RYR3: variants seen among roughly 807,000 people sequenced by gnomAD.
The protein encoded by RYR3 is ryanodine receptor 3, also known as brain ryanodine receptor-calcium release channel.
A neutral mutation model predicts 584.3 loss-of-function variants in RYR3; 207 were observed. The ratio of observed to expected loss-of-function variants is 0.35; its 90% CI spans 0.32 to 0.40. RYR3 has a LOEUF of 0.40. Ranked by LOEUF, RYR3 falls within the 10% of genes least tolerant of loss-of-function variation. RYR3 has a pLI of 1.00. For synonymous variants in RYR3, 2,416 were observed against 2,248.5 expected (o/e 1.07, Z -2.11); for missense variants, 5,616 against 6,089.2 (o/e 0.92, Z 2.59).
At chr15:33,634,464 G>A (rs935989472) in intron 24 of RYR3, 122 bp from the exon 25 acceptor site, 2 of 830,484 alleles carry the variant, frequency 2.4e-6, no homozygotes, top group African/African-American at 3.4e-5. Flanking sequence ...GGCACTGAGG[G>A]AAGGGCTAAT....
At chr15:33,768,546 A>C (rs2073298972) in intron 60 of RYR3, 112 bp from the exon 61 acceptor site, 1 of 904,674 alleles carries the variant, frequency 1.1e-6, no homozygotes, top group Admixed American at 1.7e-5. Flanking sequence ...TCTCCCTAGA[A>C]TGCCACTCTG....
intron 59 of RYR3, 131 bp downstream of exon 59, chr15:33,756,504 G>C (rs2071847178): frequency 1.4e-6 from 1 of 724,278 alleles, no homozygotes; most frequent in Admixed American, 2.5e-5. Flanking sequence ...ATATTTCTCT[G>C]TCGTGTAACA....
In RYR3 at chr15:33,857,906, A is replaced by C. The variant is rs1000224467; in HGVS notation, c.14134A>C (p.Met4712Leu). ...DDEPDMKCDD[M>L]MTCYLFHMYV... ...CGAGCCCGATATGAAGTGCGACGAC[A>C]TGATGACGGTGAGAGCCCACCCACT... The change falls in exon 99 of 104, where the codon ATG becomes CTG. Residue 4712 changes from methionine to leucine, a missense_variant. This residue lies in a region of RYR3 where 918 missense variants were observed against 887.4 expected (regional missense o/e 1.03). Coordinates refer to ENST00000634891, the MANE Select transcript of RYR3 (RefSeq NM_001036.6). 2.5e-6 allele frequency: 4 copies of C among 1,613,886 alleles called. No individual in the cohort carries two copies. Among genetic ancestry groups the C allele is most frequent in the Non-Finnish European group, 3.4e-6 (4 of 1,180,010 alleles).
At chr15:33,461,415 G>C (rs939028278) in intron 1 of RYR3, among the ~76,000 whole-genome samples, 14 of 152,108 alleles carry the variant, frequency 9.2e-5, no homozygotes, top group Admixed American at 9.2e-4. Flanking sequence ...ATAGTGTCTG[G>C]TTTTGATTCT....
Position 33,836,937 on chromosome 15 carries a change from T to A in RYR3, c.11600T>A (p.Leu3867His). ...DSSQIELLKE[L>H]LDLLQDMVVM... ...AGTCAGATCGAGCTGCTGAAGGAAC[T>A]CTTGGATCTCCTTCAGGACATGGTG... The change falls in exon 88 of 104, where the codon CTC becomes CAC. Residue 3867 changes from leucine (L) to histidine (H), a missense_variant. Transcript: ENST00000634891. The A allele has an allele frequency of 6.2e-7, 1 of 1,613,744 alleles. No homozygotes were observed. The highest frequency in any genetic ancestry group is 8.5e-7 in the Non-Finnish European group (1 of 1,179,848).
chr15:33,633,154 A>G (rs756651425), intron 24 of RYR3, 46 bp downstream of exon 24: 57 of 1,597,452 alleles, frequency 3.6e-5, no homozygotes, highest in Non-Finnish European at 4.4e-5. Context: ...AGAAGATATG[A>G]TCATCCACGT....
At position 33,687,520 on chromosome 15, in the gene RYR3, A is replaced by C. The variant is rs571965638; in HGVS notation, c.5861-8698A>C. Among the ~76,000 whole-genome samples the C allele has an allele frequency of 3.9e-5, 6 of 152,342 alleles. No individual in the cohort carries two copies. In the East Asian group the frequency reaches 9.6e-4, roughly 24 times the overall value. On this transcript the variant is annotated intron_variant, in intron 38 of 103. Coordinates refer to ENST00000634891, the MANE Select transcript of RYR3 (RefSeq NM_001036.6). ...AATTTGTAGATTCGATGCCATCCCC[A>C]TCAAGCTACCAATGACTTTCTTCAC...
At chr15:33,368,737 T>C (rs75286041) in intron 1 of RYR3, among the ~76,000 whole-genome samples, 11,960 of 152,152 alleles carry the variant, frequency 0.079, 502 homozygotes, top group Non-Finnish European at 0.099. Flanking sequence ...CCTGCAGTCT[T>C]GGCAGCGTTC....
rs1180776345 is a variant in RYR3 at position 33,572,654 on chromosome 15, T to TACACACACAC, written c.1268+5856_1268+5857insCACACACACA. ...TCATTAAATTAAAAAAAAAAAACTA[T>TACACACACAC]ATATACACACACACACACACACACA... On this transcript the variant is annotated intron_variant, in intron 12 of 103. Transcript: ENST00000634891. Among the ~76,000 whole-genome samples the TACACACACAC allele has an allele frequency of 2.5e-3, 304 of 121,134 alleles. 2 individuals are homozygous for TACACACACAC. The highest frequency in any genetic ancestry group is 9.6e-3 in the African/African-American group (283 of 29,386). The allele number at this position is 121,134 out of a possible 152,430, so 79.5% of individuals were successfully genotyped here. A position where few individuals can be genotyped will look rare whatever the true frequency, so the allele number is the denominator to read the frequency against.
At chr15:33,757,450 A>C in intron 59 of RYR3, 25 bp from the exon 60 acceptor site, 2 of 1,592,746 alleles carry the variant, frequency 1.3e-6, no homozygotes, top group Non-Finnish European at 1.7e-6. Flanking sequence ...GCTTCCTAGA[A>C]GTTGATTTCT....
Position 33,598,270 on chromosome 15 carries a change from C to A in RYR3, c.1789-3149C>A, listed in dbSNP as rs541522095. 6.0e-3 allele frequency among the ~76,000 whole-genome samples: 694 copies of A among 115,016 alleles called. 5 individuals are homozygous for A. Among genetic ancestry groups the A allele is most frequent in the African/African-American group, 0.023 (657 of 28,732 alleles). 75.5% of individuals were successfully genotyped at this position (115,016 alleles called of 152,430 possible). A position where few individuals can be genotyped will look rare whatever the true frequency, so the allele number is the denominator to read the frequency against. ...TCAAAAAAAAAAAAAAAAGACAAGG[C>A]CTTAGGAGAGAAAAACAAACAAAAA... On this transcript the variant is annotated intron_variant, in intron 16 of 103. Transcript: ENST00000634891.
At position 33,588,221 on chromosome 15, in the gene RYR3, C is replaced by T. The variant is rs182471357; in HGVS notation, c.1788+2105C>T. 6.6e-5 allele frequency among the ~76,000 whole-genome samples: 10 copies of T among 152,230 alleles called. No homozygotes were observed. The East Asian group carries it at 1.9e-3, about 29-fold the overall frequency. ...TACATGACAGTGGCAGAAAGAAGGCCGGAGCCTGGGTCCTTAGACGTTAAG... is the reference window on the plus strand; with the variant it reads ...TACATGACAGTGGCAGAAAGAAGGCTGGAGCCTGGGTCCTTAGACGTTAAG... On this transcript the variant is annotated intron_variant, in intron 16 of 103. Coordinates refer to ENST00000634891, the MANE Select transcript of RYR3 (RefSeq NM_001036.6).
intron 38 of RYR3, among the ~76,000 whole-genome samples, chr15:33,671,805 C>CTTTTTTTTTTTTT (rs56206846): frequency 5.1e-4 from 41 of 80,294 alleles, no homozygotes; most frequent in South Asian, 1.0e-3. Context: ...CCTTCTTTTT[C>CTTTTTTTTTTTTT]TTTTTTTTTT....
At chr15:33,465,028 G>A (rs531233804) in intron 1 of RYR3, among the ~76,000 whole-genome samples, 4 of 152,198 alleles carry the variant, frequency 2.6e-5, no homozygotes, top group South Asian at 4.1e-4. Context: ...GCATAATGCC[G>A]TCCAGGATCC....
chr15:33,363,422 G>A (rs572193428), intron 1 of RYR3, among the ~76,000 whole-genome samples: 6 of 152,196 alleles, frequency 3.9e-5, no homozygotes, highest in Non-Finnish European at 5.9e-5. Context: ...GATTTCTCAT[G>A]CTCAGTTTTG....
intron 51 of RYR3, 35 bp downstream of exon 51, chr15:33,740,030 T>G (rs1296428083): frequency 1.1e-5 from 18 of 1,592,288 alleles, no homozygotes; most frequent in Non-Finnish European, 1.5e-5. Context: ...TGGTGCTGTA[T>G]TTTGTCCAAT....
chr15:33,748,227 T>C lies in RYR3; in HGVS notation c.8103T>C (p.Asn2701=), dbSNP rs192820783. Residue 2701 remains asparagine, a synonymous_variant, in exon 54 of 104, where the codon AAT becomes AAC. Coordinates refer to ENST00000634891, the MANE Select transcript of RYR3 (RefSeq NM_001036.6). ...AAGCTTTGGTTCAACAGCGGGAAAA[T>C]GAGAAGCTTCGAAGTGTGTCCCAGG... ...EGEALVQQRE[N]EKLRSVSQAN... The C allele has an allele frequency of 6.2e-7, 1 of 1,613,396 alleles. No individual in the cohort carries two copies. The highest frequency in any genetic ancestry group is 8.5e-7 in the Non-Finnish European group (1 of 1,179,776).
chr15:33,511,923 C>T (rs578147090), intron 3 of RYR3, among the ~76,000 whole-genome samples: 54 of 152,258 alleles, frequency 3.5e-4, no homozygotes, highest in African/African-American at 1.1e-3. Flanking sequence ...GGACTACAGG[C>T]GCCCGCCACC....
intron 15 of RYR3, among the ~76,000 whole-genome samples, 198 bp downstream of exon 15, chr15:33,584,688 A>G (rs1426483888): frequency 1.3e-5 from 2 of 152,088 alleles, no homozygotes; most frequent in Non-Finnish European, 2.9e-5. Context: ...CCAGACTTCA[A>G]CAATCCTTCC....
Sources: gnomAD v4.1 joint callset for allele counts (sites outside exome capture counted in the v4.1 genomes callset) on GRCh38, gnomAD v4.1.1 for gene constraint, gnomAD v4.1.1 regional missense constraint, MANE v1.5 for transcripts, NCBI Gene and HGNC (gene_info 2026-07-23, HGNC 2026-07-21) for gene names.